SPAG17: variants seen among roughly 807,000 people sequenced by gnomAD.
SPAG17 encodes sperm-associated antigen 17.
In SPAG17, 169 loss-of-function variants were observed where a neutral mutation model predicts 273.6. The ratio of observed to expected loss-of-function variants is 0.62; its 90% CI spans 0.55 to 0.70. The LOEUF is 0.70. Ranked by LOEUF, SPAG17 falls within the 30% of genes least tolerant of loss-of-function variation. The pLI is 0.00. For missense variants in SPAG17, 2,557 were observed against 2,627.8 expected (o/e 0.97, Z 0.59); for synonymous variants, 825 against 873.2 (o/e 0.94, Z 0.97).
chr1:118,108,364 C>T (rs564055264), intron 4 of SPAG17, among the ~76,000 whole-genome samples: 1 of 152,278 alleles, frequency 6.6e-6, no homozygotes, highest in East Asian at 1.9e-4. Flanking sequence ...TTCTCACATT[C>T]TGAGTAAACC....
At chr1:118,089,695 G>A (rs1171309180) in intron 10 of SPAG17, among the ~76,000 whole-genome samples, 3 of 152,130 alleles carry the variant, frequency 2.0e-5, no homozygotes, top group Non-Finnish European at 4.4e-5. Context: ...GATTCACTAG[G>A]TTTTAAGTCA....
At chr1:118,013,364 AAG>A (rs1307419182) in intron 29 of SPAG17, among the ~76,000 whole-genome samples, 3 of 152,174 alleles carry the variant, frequency 2.0e-5, no homozygotes, top group Non-Finnish European at 4.4e-5. Flanking sequence ...GTCACTACTT[AAG>A]AGAGAAATGA....
intron 3 of SPAG17, among the ~76,000 whole-genome samples, chr1:118,139,026 C>A (rs1658516778): frequency 6.6e-6 from 1 of 151,588 alleles, no homozygotes. Context: ...ATTTGTAAGC[C>A]ATATATTTGA....
At chr1:118,175,453 C>T (rs898935770) in intron 1 of SPAG17, among the ~76,000 whole-genome samples, 1 of 151,806 alleles carries the variant, frequency 6.6e-6, no homozygotes, top group African/African-American at 2.4e-5. Flanking sequence ...AGGAGATGAT[C>T]CTAAAAGCAG....
intron 20 of SPAG17, among the ~76,000 whole-genome samples, chr1:118,048,680 A>G (rs1248168370): frequency 6.6e-6 from 1 of 152,038 alleles, no homozygotes; most frequent in South Asian, 2.1e-4. Context: ...GGCAGATCAC[A>G]AGGTCAGGAG....
intron 36 of SPAG17, 56 bp from the exon 37 acceptor site, chr1:117,991,584 T>C (rs1258880231): frequency 1.8e-6 from 2 of 1,090,888 alleles, no homozygotes; most frequent in East Asian, 2.5e-5. Context: ...AAGAGAGAGA[T>C]ACAAAAATGG....
chr1:117,977,165 A>G (rs1052188443), intron 43 of SPAG17, among the ~76,000 whole-genome samples: 4 of 151,686 alleles, frequency 2.6e-5, no homozygotes, highest in Non-Finnish European at 1.5e-5. Context: ...CAAAAAAAAA[A>G]AAAAAATTAG....
At chr1:117,994,953 C>T (rs1199199899) in intron 34 of SPAG17, among the ~76,000 whole-genome samples, 2 of 152,098 alleles carry the variant, frequency 1.3e-5, no homozygotes, top group Non-Finnish European at 2.9e-5. Context: ...GTCAGGGTGA[C>T]TGATTATGTT....
intron 18 of SPAG17, among the ~76,000 whole-genome samples, chr1:118,059,275 T>C (rs1027974224): frequency 1.4e-4 from 21 of 152,144 alleles, no homozygotes; most frequent in African/African-American, 5.1e-4. Flanking sequence ...CCCTGTGAAG[T>C]AATGTGAAGG....
chr1:118,059,329 T>C (rs2102018596), intron 18 of SPAG17, among the ~76,000 whole-genome samples: 1 of 152,300 alleles, frequency 6.6e-6, no homozygotes, highest in East Asian at 1.9e-4. Flanking sequence ...GATTTTTGTG[T>C]ATACTTTAAG....
chr1:118,182,261 G>A (rs1434091898), intron 1 of SPAG17, among the ~76,000 whole-genome samples: 3 of 152,154 alleles, frequency 2.0e-5, no homozygotes, highest in Non-Finnish European at 4.4e-5. Flanking sequence ...GAGAAAGAAA[G>A]TACAATGGCA....
chr1:118,050,424 C>G (rs1485707825), intron 20 of SPAG17, among the ~76,000 whole-genome samples: 1 of 152,156 alleles, frequency 6.6e-6, no homozygotes, highest in Non-Finnish European at 1.5e-5. Flanking sequence ...TCTGAGGAGG[C>G]AAGAATTGAG....
chr1:117,982,824 C>T (rs1261251701), intron 42 of SPAG17, among the ~76,000 whole-genome samples: 3 of 152,142 alleles, frequency 2.0e-5, no homozygotes, highest in Non-Finnish European at 4.4e-5. Context: ...TTTTATATCA[C>T]TTTAGTCTGT....
At chr1:118,070,482 A>G (rs1653464991) in intron 17 of SPAG17, among the ~76,000 whole-genome samples, 1 of 152,190 alleles carries the variant, frequency 6.6e-6, no homozygotes, top group South Asian at 2.1e-4. Flanking sequence ...GAGGGTAACT[A>G]CAGATGGTAG....
At chr1:118,152,938 C>A (rs1659469936) in intron 1 of SPAG17, among the ~76,000 whole-genome samples, 1 of 152,164 alleles carries the variant, frequency 6.6e-6, no homozygotes, top group South Asian at 2.1e-4. Flanking sequence ...AGTTACAGTA[C>A]AGGCAATACC....
chr1:118,012,166 T>G, intron 30 of SPAG17, 62 bp downstream of exon 30: 1 of 1,514,992 alleles, frequency 6.6e-7, no homozygotes, highest in South Asian at 1.2e-5. Flanking sequence ...CAGTGAGGAT[T>G]CTATCTAACT....
chr1:118,041,227 T>A (rs1305608870), intron 21 of SPAG17, among the ~76,000 whole-genome samples: 2 of 152,162 alleles, frequency 1.3e-5, no homozygotes, highest in African/African-American at 4.8e-5. Flanking sequence ...AAGACATTTT[T>A]TACTGAGTGT....
intron 17 of SPAG17, among the ~76,000 whole-genome samples, chr1:118,067,359 G>A (rs1653087658): frequency 6.6e-6 from 1 of 152,132 alleles, no homozygotes; most frequent in Non-Finnish European, 1.5e-5. Flanking sequence ...TGGGGCTTTG[G>A]GAAAGTAATT....
At position 118,081,106 on chromosome 1, in the gene SPAG17, G is replaced by T; in HGVS notation, c.2204C>A (p.Ser735Tyr). The T allele has an allele frequency of 6.2e-7, 1 of 1,610,540 alleles. No individual in the cohort carries two copies. Among genetic ancestry groups the T allele is most frequent in the Non-Finnish European group, 8.5e-7 (1 of 1,177,202 alleles). The change falls in exon 15 of 49, where the codon TCT (serine) becomes TAT (tyrosine). Residue 735 changes from serine to tyrosine, a missense_variant. Transcript: ENST00000336338. ...ACACACACACTTTAACTTACCCAGA[G>T]ACTCATGTTGGGGCTGAGCCTTCAT... ...SIMKAQPQHE[S>Y]LEQTTNNEIK...
Sources: gnomAD v4.1 joint callset for allele counts (sites outside exome capture counted in the v4.1 genomes callset) on GRCh38, gnomAD v4.1.1 for gene constraint, MANE v1.5 for transcripts, NCBI Gene and HGNC (gene_info 2026-07-23, HGNC 2026-07-21) for gene names.